Variants in HSD17B4 observed in about 807,000 individuals in gnomAD.
The protein encoded by HSD17B4 is hydroxysteroid 17-beta dehydrogenase 4.
HSD17B4 carries 70 observed loss-of-function variants against 101.0 expected under a neutral mutation model. The ratio of observed to expected loss-of-function variants is 0.69; its 90% confidence interval spans 0.57 to 0.85. HSD17B4 has a LOEUF of 0.85. Among genes scored for constraint, HSD17B4 ranks in the 40% least tolerant of loss-of-function variants. The pLI is 0.00. For missense variants in HSD17B4, 984 were observed against 892.4 expected, an observed-to-expected ratio of 1.10 and a Z score of -1.31; for synonymous variants, 347 against 297.1, an observed-to-expected ratio of 1.17 and a Z score of -1.73.
At chr5:119,533,919 C>T (rs1754329846) in intron 22 of HSD17B4, among the ~76,000 whole-genome samples, 1 of 151,958 alleles carries the variant, frequency 6.6e-6, no homozygotes, top group African/African-American at 2.4e-5. Flanking sequence ...GAATTTGGCC[C>T]ACAGGTTTTA....
At chr5:119,504,012 G>A (rs257971) in intron 14 of HSD17B4, among the ~76,000 whole-genome samples, 67,067 of 151,850 alleles carry the variant, frequency 0.44, 15,423 homozygotes, top group East Asian at 0.5. Context: ...GCTCCCACTT[G>A]TAAGTGAAAA....
At chr5:119,519,237 G>A (rs1752906057) in intron 17 of HSD17B4, among the ~76,000 whole-genome samples, 1 of 152,140 alleles carries the variant, frequency 6.6e-6, no homozygotes, top group South Asian at 2.1e-4. Context: ...CAATAATCTA[G>A]ACAGACCAAA....
intron 17 of HSD17B4, among the ~76,000 whole-genome samples, chr5:119,520,397 C>A (rs1362131397): frequency 6.6e-6 from 1 of 151,978 alleles, no homozygotes; most frequent in Non-Finnish European, 1.5e-5. Flanking sequence ...TTTTTATAGC[C>A]CTCAGTGAGA....
rs1754143413 is a variant in HSD17B4, at chr5:119,452,531, C to T, written c.-45C>T. The stretch of plus-strand genomic sequence containing the variant: ...CTCCTCCTGTCCCGCAGTCGGCGTC[C>T]AGCGGCTCTGCTTGTTCGTGTGTGT... On this transcript the variant is annotated 5_prime_UTR_variant, in exon 1 of 24. Transcript: ENST00000510025. 6 of 1,613,552 alleles carry T rather than the reference C, an allele frequency of 3.7e-6. No homozygotes were observed. The highest frequency in any genetic ancestry group is 1.3e-5 in the African/African-American group (1 of 75,034).
intron 22 of HSD17B4, among the ~76,000 whole-genome samples, chr5:119,532,559 T>C (rs527839654): frequency 1.3e-5 from 2 of 149,924 alleles, no homozygotes; most frequent in East Asian, 4.7e-4. Context: ...TTTTGTTTAG[T>C]ATGAGTGAAA....
chr5:119,492,447 T>C, intron 10 of HSD17B4: 2 of 284,992 alleles, frequency 7.0e-6, no homozygotes, highest in Admixed American at 4.5e-5. Flanking sequence ...TCCCACATGC[T>C]CGTTCTTGCT....
chr5:119,494,078 C>T (rs1279089132), intron 11 of HSD17B4, 132 bp downstream of exon 11: 1 of 843,046 alleles, frequency 1.2e-6, no homozygotes, highest in South Asian at 1.4e-5. Context: ...ATATTTTCTG[C>T]TCTAGTAGGT....
intron 20 of HSD17B4, among the ~76,000 whole-genome samples, chr5:119,527,685 A>T (rs1431495607): frequency 6.6e-6 from 1 of 152,186 alleles, no homozygotes; most frequent in Non-Finnish European, 1.5e-5. Flanking sequence ...ACAACAGTTT[A>T]TATGGTCCAA....
intron 2 of HSD17B4, among the ~76,000 whole-genome samples, chr5:119,468,278 G>A (rs1167756076): frequency 1.3e-5 from 2 of 152,166 alleles, no homozygotes; most frequent in Middle Eastern, 3.4e-3. Context: ...ACTCCCATAA[G>A]CATTTCTTTT....
At chr5:119,529,180 C>G (rs569060643) in intron 20 of HSD17B4, among the ~76,000 whole-genome samples, 1 of 151,990 alleles carries the variant, frequency 6.6e-6, no homozygotes, top group Non-Finnish European at 1.5e-5. Context: ...TTAATAAACG[C>G]TATGTTAAAC....
intron 1 of HSD17B4, among the ~76,000 whole-genome samples, chr5:119,453,867 C>G (rs1420957912): frequency 1.3e-5 from 2 of 152,178 alleles, no homozygotes; most frequent in South Asian, 2.1e-4. Flanking sequence ...TTTTACAACG[C>G]TTGGTGTTTT....
At chr5:119,495,249 C>T (rs1321704980) in intron 11 of HSD17B4, among the ~76,000 whole-genome samples, 1 of 152,086 alleles carries the variant, frequency 6.6e-6, no homozygotes, top group Admixed American at 6.6e-5. Context: ...ATAGGAAAAA[C>T]TTTCCTCTGA....
chr5:119,463,649 A>G (rs1032641893), intron 2 of HSD17B4, among the ~76,000 whole-genome samples: 4 of 32,294 alleles, frequency 1.2e-4, no homozygotes, highest in African/African-American at 2.6e-4. Flanking sequence ...TTGGCCATTT[A>G]TATGTCTTTT....
rs1754087713 is a variant in HSD17B4, at chr5:119,531,362, G to A, written c.1951G>A (p.Glu651Lys). 1.9e-6 allele frequency: 3 copies of A among 1,613,508 alleles called. No individual in the cohort carries two copies. Among genetic ancestry groups the A allele is most frequent in the Non-Finnish European group, 8.5e-7 (1 of 1,179,690 alleles). The change falls in exon 22 of 24, where the codon GAG becomes AAG. Residue 651 changes from glutamate to lysine, a missense_variant. Coordinates refer to ENST00000510025, the MANE Select transcript of HSD17B4 (RefSeq NM_000414.4). ...EVVKKVNAVF[E>K]WHITKGGNIG... ...GGTGAAGAAAGTAAATGCTGTATTT[G>A]AGTGGCATATAACCAAAGGCGGAAA...
At chr5:119,489,124 A>C (rs1749864555) in intron 8 of HSD17B4, 68 bp from the exon 9 acceptor site, 2 of 1,093,816 alleles carry the variant, frequency 1.8e-6, no homozygotes, top group Non-Finnish European at 1.4e-6. Context: ...ATTACCTATA[A>C]TTTTATAAGT....
rs1018082950 is a variant in HSD17B4, at chr5:119,521,502, A to T, written c.1504-3714A>T. Among the ~76,000 whole-genome samples the T allele has an allele frequency of 5.9e-5, 9 of 152,148 alleles. No individual in the cohort carries two copies. The East Asian group carries it at 1.7e-3, about 29-fold the overall frequency. On this transcript the variant is annotated intron_variant, in intron 17 of 23. Transcript: ENST00000510025. ...CTTTTCTTTCTTTGGGTATCCATTT[A>T]TATGTATGTTGAATCTTTTCATGTC...
intron 16 of HSD17B4, among the ~76,000 whole-genome samples, chr5:119,512,467 A>T (rs529309016): frequency 6.6e-6 from 1 of 152,296 alleles, no homozygotes; most frequent in South Asian, 2.1e-4. Context: ...TTACTTACAA[A>T]GGAACCCTAA....
intron 8 of HSD17B4, among the ~76,000 whole-genome samples, chr5:119,484,977 A>G (rs911697791): frequency 6.6e-6 from 1 of 152,224 alleles, no homozygotes; most frequent in Non-Finnish European, 1.5e-5. Context: ...TGTTTCAAGT[A>G]TGATACTATA....
intron 16 of HSD17B4, among the ~76,000 whole-genome samples, chr5:119,511,780 G>C (rs1180171822): frequency 6.6e-6 from 1 of 152,194 alleles, no homozygotes; most frequent in Non-Finnish European, 1.5e-5. Context: ...AGCCCTGGAA[G>C]GGGTGGGGGA....
Sources: gnomAD v4.1 joint callset for allele counts (sites outside exome capture counted in the v4.1 genomes callset) on GRCh38, gnomAD v4.1.1 for gene constraint, MANE v1.5 for transcripts, NCBI Gene and HGNC (gene_info 2026-07-23, HGNC 2026-07-21) for gene names.